Variants in MORC2 observed in about 807,000 individuals in gnomAD.
MORC2 encodes MORC family CW-type zinc finger 2.
In MORC2, 30 loss-of-function variants were observed where a neutral mutation model predicts 136.0. That is an observed-to-expected ratio of 0.22 (90% CI 0.17 to 0.30). The LOEUF is 0.30. MORC2 is among the 10% of genes least tolerant of loss of function. The pLI is 1.00. For synonymous variants in MORC2, 439 were observed against 487.0 expected (o/e 0.90, Z 1.30); for missense variants, 922 against 1,333.1 (o/e 0.69, Z 4.80).
At chr22:30,954,773 C>T (rs1321755698) in intron 3 of MORC2, among the ~76,000 whole-genome samples, 1 of 152,146 alleles carries the variant, frequency 6.6e-6, no homozygotes, top group African/African-American at 2.4e-5. Flanking sequence ...TAGACTTGAC[C>T]ATTACGATTT....
In MORC2 at chr22:30,941,699, A is replaced by C; in HGVS notation, c.699-141T>G. On this transcript the variant is annotated intron_variant, in intron 8 of 25. Transcript: ENST00000397641. This position sits in a 1 kb window ranked among gnomAD's most constrained non-coding sequence, Gnocchi z 4.6. Reference sequence around the variant, plus strand: ...TGCTGCCCTGAACTGGTGCTCCCTTAGTGTGAGCACCACATCCCGCCCCTC... The same window carrying C: ...TGCTGCCCTGAACTGGTGCTCCCTTCGTGTGAGCACCACATCCCGCCCCTC... 2 of 1,286,100 alleles carry C rather than the reference A, an allele frequency of 1.6e-6. No homozygotes were observed. The highest frequency in any genetic ancestry group is 2.1e-6 in the Non-Finnish European group (2 of 937,266). 79.7% of individuals were successfully genotyped at this position (1,286,100 alleles called of 1,614,324 possible).
chr22:30,957,126 A>G (rs2147304448), intron 2 of MORC2, among the ~76,000 whole-genome samples: 1 of 152,356 alleles, frequency 6.6e-6, no homozygotes, highest in Admixed American at 6.5e-5. Flanking sequence ...AATGATTCAA[A>G]TATGTTTTTC....
chr22:30,951,781 T>C lies in MORC2; in HGVS notation c.158-1336A>G, dbSNP rs546955322. ...TGAGTAGGGACTGCCCTCTGTCAAA[T>C]AGACTTATTAATGTAAATTAAAATG... On this transcript the variant is annotated intron_variant, in intron 3 of 25. Coordinates refer to ENST00000397641, the MANE Select transcript of MORC2 (RefSeq NM_001303256.3). Among the ~76,000 whole-genome samples the C allele has an allele frequency of 1.5e-3, 221 of 152,280 alleles. 1 individual carries two copies. The highest frequency in any genetic ancestry group is 2.3e-3 in the Non-Finnish European group (157 of 68,018).
At chr22:30,956,255 G>A (rs1163681348) in intron 3 of MORC2, among the ~76,000 whole-genome samples, 1 of 152,158 alleles carries the variant, frequency 6.6e-6, no homozygotes, top group Non-Finnish European at 1.5e-5. Flanking sequence ...TCCAAGCCAA[G>A]CAGCCTTCCT....
intron 16 of MORC2, 130 bp downstream of exon 16, chr22:30,936,801 AT>A: frequency 7.7e-7 from 1 of 1,290,816 alleles, no homozygotes; most frequent in Non-Finnish European, 1.1e-6. Context: ...ACATACATCT[AT>A]TTTTATTTCT....
At chr22:30,927,926 G>C (rs2040513863) in intron 25 of MORC2, 93 bp downstream of exon 25, 11 of 1,456,772 alleles carry the variant, frequency 7.6e-6, no homozygotes, top group Middle Eastern at 2.5e-4. Flanking sequence ...TCCTGTGAGT[G>C]GATAGATTCT....
chr22:30,956,673 A>T, intron 3 of MORC2, 90 bp downstream of exon 3: 1 of 1,089,160 alleles, frequency 9.2e-7, no homozygotes, highest in Non-Finnish European at 1.3e-6. Context: ...AGGCTCCCGA[A>T]TCCAGTTATT....
intron 5 of MORC2, 109 bp from the exon 6 acceptor site, chr22:30,946,558 C>CT (rs1241767789): frequency 1.1e-5 from 10 of 902,300 alleles, no homozygotes; most frequent in Non-Finnish European, 1.5e-5. Context: ...GAGGGCTCTC[C>CT]TAAAGGCCCC....
In MORC2 at chr22:30,926,726, CATGA is replaced by C; in HGVS notation, c.*73_*76del. Reference sequence around the variant, plus strand: ...TCAAACCAAGGTGCGACCACCAACCCATGAATGAAGTCCCCTCCCCCTGCAGCTA... The same window carrying C: ...TCAAACCAAGGTGCGACCACCAACCCATGAAGTCCCCTCCCCCTGCAGCTA... On this transcript the variant is annotated 3_prime_UTR_variant, in exon 26 of 26. Transcript: ENST00000397641. 8.0e-7 allele frequency: 1 copy of C among 1,246,132 alleles called. No homozygotes were observed. The highest frequency in any genetic ancestry group is 1.3e-5 in the South Asian group (1 of 78,042). 77.2% of individuals were successfully genotyped at this position (1,246,132 alleles called of 1,614,324 possible). A position where few individuals can be genotyped will look rare whatever the true frequency, so the allele number is the denominator to read the frequency against.
chr22:30,933,951 T>A, intron 20 of MORC2, 109 bp downstream of exon 20: 1 of 1,390,744 alleles, frequency 7.2e-7, no homozygotes, highest in African/African-American at 1.5e-5. Context: ...TGGTGGGTTG[T>A]GTAGACTGCT....
At chr22:30,938,851 G>A (rs919159832) in intron 12 of MORC2, among the ~76,000 whole-genome samples, 5 of 152,174 alleles carry the variant, frequency 3.3e-5, no homozygotes, top group Admixed American at 2.0e-4. Flanking sequence ...TTACAGGCGT[G>A]AGCCACCGTG....
At chr22:30,958,857 C>T (rs1438657772) in intron 1 of MORC2, 163 bp from the exon 2 acceptor site, 1 of 572,622 alleles carries the variant, frequency 1.7e-6, no homozygotes, top group Non-Finnish European at 3.1e-6. Flanking sequence ...CCCCAACTCC[C>T]CTCAATTGTT....
rs1321856826 is a variant in MORC2 at position 30,926,315 on chromosome 22, T to G, written c.*488A>C. 1 of 152,378 alleles carries G rather than the reference T, an allele frequency of 6.6e-6. No homozygotes were observed. The highest frequency in any genetic ancestry group is 2.4e-5 in the African/African-American group (1 of 41,370). The allele number at this position is 152,378 out of a possible 1,614,324, so 9.4% of individuals were successfully genotyped here. On this transcript the variant is annotated 3_prime_UTR_variant, in exon 26 of 26. Transcript: ENST00000397641. ...TGGAACCTCCTACACAGCCCCCCTT[T>G]TGGGTCCCTGGATATGAGCCCCCAG... is the stretch of plus-strand genomic sequence containing the variant.
Position 30,940,143 on chromosome 22 carries a change from A to G in MORC2, c.905-102T>C, listed in dbSNP as rs556364734. The G allele has an allele frequency of 3.1e-4, 367 of 1,173,820 alleles. 1 individual carries two copies. In the African/African-American group the frequency reaches 4.9e-3, roughly 16 times the overall value. 72.7% of individuals were successfully genotyped at this position (1,173,820 alleles called of 1,614,324 possible). On this transcript the variant is annotated intron_variant, in intron 10 of 25. Coordinates refer to ENST00000397641, the MANE Select transcript of MORC2 (RefSeq NM_001303256.3). ...TGGACACGAAGTGTGTACACCACCA[A>G]GGAAAAAAAGAGTAGGGGGAGCTAT... is the stretch of plus-strand genomic sequence containing the variant.
chr22:30,946,053 T>G (rs1259237444), intron 6 of MORC2, among the ~76,000 whole-genome samples: 1 of 152,158 alleles, frequency 6.6e-6, no homozygotes, highest in Non-Finnish European at 1.5e-5. Context: ...AAGTGGCAGA[T>G]CTAGAGGAGC....
intron 6 of MORC2, among the ~76,000 whole-genome samples, chr22:30,945,702 G>T (rs560769133): frequency 3.3e-5 from 5 of 152,324 alleles, no homozygotes; most frequent in Admixed American, 3.3e-4. Flanking sequence ...TTACTAAAAT[G>T]ATTTAAACTC....
Position 30,937,586 on chromosome 22 carries a change from A to G in MORC2, c.1495T>C (p.Cys499Arg). Residue 499 changes from cysteine (C) to arginine (R), a missense_variant, in exon 15 of 26, where the codon TGC (cysteine) becomes CGC (arginine). Cys to Arg is a radical substitution (Grantham distance 180, BLOSUM62 -3). Transcript: ENST00000397641. This position sits in a 1 kb window ranked among gnomAD's most constrained non-coding sequence, Gnocchi z 4.7. The part of the protein sequence containing the change: ...RAMEIPTTIQ[C>R]DLCLKWRTLP... Reference sequence around the variant, plus strand: ...GGGGTCCAACCACCCAACTCACCGCACTGGATGGTGGTGGGGATTTCCATA... The same window carrying G: ...GGGGTCCAACCACCCAACTCACCGCGCTGGATGGTGGTGGGGATTTCCATA... 1 of 1,612,514 alleles carries G rather than the reference A, an allele frequency of 6.2e-7. No individual in the cohort carries two copies. Among genetic ancestry groups the G allele is most frequent in the Non-Finnish European group, 8.5e-7 (1 of 1,179,982 alleles).
At chr22:30,949,387 A>G (rs1381594642) in intron 5 of MORC2, among the ~76,000 whole-genome samples, 1 of 152,214 alleles carries the variant, frequency 6.6e-6, no homozygotes, top group Admixed American at 6.5e-5. Context: ...ACTGCTGCAC[A>G]GTAAGGTGAC....
chr22:30,944,091 A>T (rs550791298), intron 6 of MORC2, among the ~76,000 whole-genome samples: 77 of 152,318 alleles, frequency 5.1e-4, no homozygotes, highest in African/African-American at 1.8e-3. Context: ...TTTGTGCTGC[A>T]ACTATTCAAC....
Sources: gnomAD v4.1 joint callset for allele counts (sites outside exome capture counted in the v4.1 genomes callset) on GRCh38, gnomAD v4.1.1 for gene constraint, Gnocchi (gnomAD v3.1) non-coding constraint, MANE v1.5 for transcripts, NCBI Gene and HGNC (gene_info 2026-07-23, HGNC 2026-07-21) for gene names.